Variants in MCTP1 observed in about 807,000 individuals in gnomAD.
MCTP1 encodes multiple C2 and transmembrane domain containing 1.
Under a neutral mutation model 120.6 loss-of-function variants are expected in MCTP1, and 69 were observed. That is an observed-to-expected ratio of 0.57 (90% confidence interval 0.47 to 0.70). MCTP1 has a LOEUF of 0.70. Among genes scored for constraint, MCTP1 ranks in the 30% least tolerant of loss-of-function variants. The pLI is 0.00. For synonymous variants in MCTP1, 529 were observed against 493.1 expected, an observed-to-expected ratio of 1.07 and a Z score of -0.96; for missense variants, 1,203 against 1,248.8, an observed-to-expected ratio of 0.96 and a Z score of 0.55.
intron 1 of MCTP1, among the ~76,000 whole-genome samples, chr5:95,030,872 A>G (rs1352602231): frequency 6.6e-6 from 1 of 152,134 alleles, no homozygotes; most frequent in Non-Finnish European, 1.5e-5. Context: ...TTGCAAGGAA[A>G]CTCAGTGATA....
In MCTP1 at chr5:94,767,851, T is replaced by C. The variant is rs952021977; in HGVS notation, c.2610+11259A>G. ...TACACAAAGCAGTCTACAGATTCAA[T>C]GCAATCTCTATCAAAATACCAATAA... On this transcript the variant is annotated intron_variant, in intron 19 of 22. Coordinates refer to ENST00000515393, the MANE Select transcript of MCTP1 (RefSeq NM_024717.7). Among the ~76,000 whole-genome samples the C allele has an allele frequency of 2.6e-5, 4 of 152,160 alleles. No homozygotes were observed. The South Asian group carries it at 8.3e-4, about 32-fold the overall frequency.
intron 1 of MCTP1, among the ~76,000 whole-genome samples, chr5:95,197,349 T>C (rs1490574257): frequency 6.6e-6 from 1 of 152,186 alleles, no homozygotes; most frequent in Non-Finnish European, 1.5e-5. Context: ...CATAATAATC[T>C]GACTATTCAG....
intron 1 of MCTP1, among the ~76,000 whole-genome samples, chr5:95,145,317 A>T (rs1395068067): frequency 1.3e-5 from 2 of 152,106 alleles, no homozygotes; most frequent in Non-Finnish European, 2.9e-5. Flanking sequence ...GGGGTTTTCT[A>T]GGTATAGAAT....
At chr5:95,057,811 G>A (rs1747821156) in intron 1 of MCTP1, among the ~76,000 whole-genome samples, 1 of 152,092 alleles carries the variant, frequency 6.6e-6, no homozygotes, top group African/African-American at 2.4e-5. Flanking sequence ...AACCTCAGTG[G>A]ATCACCAATG....
At chr5:94,927,892 A>G (rs1469393634) in intron 6 of MCTP1, among the ~76,000 whole-genome samples, 1 of 152,152 alleles carries the variant, frequency 6.6e-6, no homozygotes, top group Non-Finnish European at 1.5e-5. Flanking sequence ...TTTATAGTTC[A>G]TTAAAATTAT....
intron 1 of MCTP1, among the ~76,000 whole-genome samples, chr5:95,257,279 A>G (rs1757987037): frequency 6.6e-6 from 1 of 152,176 alleles, no homozygotes; most frequent in African/African-American, 2.4e-5. Context: ...GCACTTCATG[A>G]GTACTAAAAA....
At chr5:95,200,102 G>A (rs557558320) in intron 1 of MCTP1, among the ~76,000 whole-genome samples, 22 of 148,974 alleles carry the variant, frequency 1.5e-4, no homozygotes, top group South Asian at 6.4e-4. Context: ...CGGAAGTTGC[G>A]GTGAGCCGAG....
At chr5:94,861,572 T>C (rs1384547854) in intron 17 of MCTP1, among the ~76,000 whole-genome samples, 1 of 151,894 alleles carries the variant, frequency 6.6e-6, no homozygotes, top group Non-Finnish European at 1.5e-5. Context: ...ATAAATTATA[T>C]AATTAGATCA....
chr5:95,189,479 T>C (rs1749595007), intron 1 of MCTP1, among the ~76,000 whole-genome samples: 1 of 152,176 alleles, frequency 6.6e-6, no homozygotes, highest in African/African-American at 2.4e-5. Context: ...TTTTTAAGTG[T>C]CGGTATGGTT....
At chr5:95,125,476 C>A (rs1012554381) in intron 1 of MCTP1, among the ~76,000 whole-genome samples, 1 of 152,212 alleles carries the variant, frequency 6.6e-6, no homozygotes, top group Non-Finnish European at 1.5e-5. Flanking sequence ...CTTCACCTGG[C>A]AGTCTCCTTG....
chr5:94,734,122 G>A (rs963690894), intron 19 of MCTP1, among the ~76,000 whole-genome samples: 5 of 151,960 alleles, frequency 3.3e-5, no homozygotes, highest in African/African-American at 7.3e-5. Context: ...CCTCCAATGC[G>A]CACTAAATGT....
intron 17 of MCTP1, among the ~76,000 whole-genome samples, chr5:94,835,735 T>A (rs1789583237): frequency 6.6e-6 from 1 of 152,224 alleles, no homozygotes; most frequent in Non-Finnish European, 1.5e-5. Flanking sequence ...CCAGGAGCGG[T>A]GGCTCACGCC....
intron 8 of MCTP1, among the ~76,000 whole-genome samples, chr5:94,917,659 T>C (rs1810424796): frequency 6.6e-6 from 1 of 152,226 alleles, no homozygotes; most frequent in African/African-American, 2.4e-5. Context: ...TTTCAAAGTC[T>C]GAAGCAATTA....
At chr5:95,129,056 A>G (rs1168382260) in intron 1 of MCTP1, among the ~76,000 whole-genome samples, 1 of 152,212 alleles carries the variant, frequency 6.6e-6, no homozygotes, top group Non-Finnish European at 1.5e-5. Context: ...ATAATTGCTC[A>G]GGTTTAATTG....
intron 1 of MCTP1, among the ~76,000 whole-genome samples, chr5:95,030,470 A>G (rs1015669361): frequency 2.6e-5 from 4 of 152,180 alleles, no homozygotes; most frequent in Non-Finnish European, 5.9e-5. Flanking sequence ...TCTCAGCCCC[A>G]CAGGAGGTCA....
chr5:95,269,668 C>T (rs467144), intron 1 of MCTP1, among the ~76,000 whole-genome samples: 130,769 of 152,250 alleles, frequency 0.86, 56,288 homozygotes, highest in African/African-American at 0.92. Context: ...TTAGCACTGG[C>T]GTGGTGATGT....
intron 2 of MCTP1, among the ~76,000 whole-genome samples, chr5:95,001,168 C>A (rs778295040): frequency 2.6e-5 from 4 of 152,226 alleles, no homozygotes; most frequent in African/African-American, 4.8e-5. Flanking sequence ...TTTCCTGAAG[C>A]CTCCCCAGCC....
intron 8 of MCTP1, among the ~76,000 whole-genome samples, chr5:94,915,579 T>A (rs1321884728): frequency 6.6e-6 from 1 of 152,196 alleles, no homozygotes; most frequent in Non-Finnish European, 1.5e-5. Context: ...GTGTCTTCAA[T>A]TAGCAATGTG....
intron 1 of MCTP1, among the ~76,000 whole-genome samples, chr5:95,031,610 GA>G (rs1440883287): frequency 6.6e-6 from 1 of 152,132 alleles, no homozygotes; most frequent in African/African-American, 2.4e-5. Context: ...ATCACCACAA[GA>G]CTGGTCCTAC....
Sources: allele counts gnomAD v4.1 joint callset (sites outside exome capture counted in the v4.1 genomes callset), GRCh38; gene constraint gnomAD v4.1.1; transcripts MANE v1.5; gene names NCBI Gene and HGNC (gene_info 2026-07-23, HGNC 2026-07-21).